SNX18: variants seen among roughly 807,000 people sequenced by gnomAD.
SNX18 encodes the protein sorting nexin-18.
Under a neutral mutation model 48.7 loss-of-function variants are expected in SNX18, and 35 were observed. The observed-to-expected ratio is 0.72, with a 90% confidence interval of 0.55 to 0.95. The LOEUF (loss-of-function observed/expected upper bound fraction) is 0.95. Ranked by LOEUF, SNX18 falls within the 40% of genes least tolerant of loss-of-function variation. The pLI, the probability that SNX18 is intolerant of heterozygous loss-of-function variation, is 0.00. For synonymous variants in SNX18, 492 were observed against 384.7 expected, an observed-to-expected ratio of 1.28 and a Z score of -3.26; for missense variants, 824 against 871.0, an observed-to-expected ratio of 0.95 and a Z score of 0.68.
chr5:54,602,479 G>A, the SNX18 span, among the ~76,000 whole-genome samples: 3 of 152,160 alleles, frequency 2.0e-5, no homozygotes, highest in African/African-American at 7.2e-5. Flanking sequence ...AGGAACTGAC[G>A]GGACGTTAGC....
intron 1 of SNX18, among the ~76,000 whole-genome samples, chr5:54,535,580 G>A (rs1450511720): frequency 3.3e-5 from 5 of 152,126 alleles, no homozygotes. Flanking sequence ...CACTCAATCT[G>A]TGCCCACAAA....
the SNX18 span, among the ~76,000 whole-genome samples, chr5:54,556,084 T>C: frequency 6.6e-6 from 1 of 152,186 alleles, no homozygotes; most frequent in Non-Finnish European, 1.5e-5. Context: ...TCAACATCCA[T>C]AGTACTAACA....
intron 1 of SNX18, among the ~76,000 whole-genome samples, chr5:54,537,625 G>A (rs1481838435): frequency 3.3e-5 from 5 of 151,566 alleles, no homozygotes; most frequent in Admixed American, 6.6e-5. Flanking sequence ...TTTCATTTCC[G>A]TCTTCTGTTT....
chr5:54,571,281 T>C, the SNX18 span, among the ~76,000 whole-genome samples: 1 of 152,178 alleles, frequency 6.6e-6, no homozygotes, highest in African/African-American at 2.4e-5. Context: ...GGCGAGGCTG[T>C]CCACTCTGTA....
the SNX18 span, among the ~76,000 whole-genome samples, chr5:54,614,865 ACTGT>A: frequency 6.6e-6 from 1 of 152,208 alleles, no homozygotes; most frequent in Non-Finnish European, 1.5e-5. Context: ...TATTCCAGGT[ACTGT>A]CTTAAGCACT....
chr5:54,637,398 C>T, the SNX18 span, among the ~76,000 whole-genome samples: 3 of 152,046 alleles, frequency 2.0e-5, no homozygotes, highest in South Asian at 2.1e-4. Flanking sequence ...TATCCTTTGG[C>T]GTGAGAAAAG....
chr5:54,552,908 T>C, the SNX18 span, among the ~76,000 whole-genome samples: 1 of 151,838 alleles, frequency 6.6e-6, no homozygotes, highest in African/African-American at 2.4e-5. Flanking sequence ...TTAATTGAGG[T>C]GGTCAGAAAA....
chr5:54,630,312 G>A, the SNX18 span, among the ~76,000 whole-genome samples: 3 of 152,166 alleles, frequency 2.0e-5, no homozygotes, highest in Non-Finnish European at 1.5e-5. Context: ...AAATGGAGTA[G>A]ACTTGTGTAC....
the SNX18 span, among the ~76,000 whole-genome samples, chr5:54,640,520 G>C: frequency 6.6e-6 from 1 of 152,148 alleles, no homozygotes; most frequent in Non-Finnish European, 1.5e-5. Flanking sequence ...CACTGTGCCC[G>C]CCAGAGTAGG....
downstream of SNX18, chr5:54,546,728 G>A (rs1580113220): frequency 6.6e-6 from 1 of 152,182 alleles, no homozygotes; most frequent in Admixed American, 6.6e-5. Flanking sequence ...ATCAAACACT[G>A]TAGCTAATTT....
the SNX18 span, among the ~76,000 whole-genome samples, chr5:54,608,260 G>C: frequency 1.3e-5 from 2 of 152,098 alleles, no homozygotes; most frequent in African/African-American, 4.8e-5. Flanking sequence ...TTTCCCTAAC[G>C]GCTAATGGTA....
chr5:54,624,277 T>C, the SNX18 span, among the ~76,000 whole-genome samples: 40 of 152,352 alleles, frequency 2.6e-4, no homozygotes, highest in African/African-American at 9.6e-4. Context: ...ATTCTCCTGG[T>C]ATTCAAGTTC....
At chr5:54,527,304 A>G (rs1016983819) in intron 1 of SNX18, among the ~76,000 whole-genome samples, 2 of 149,730 alleles carry the variant, frequency 1.3e-5, no homozygotes, top group African/African-American at 2.4e-5. Context: ...TCCAGGTGAG[A>G]GATGCTGGTG....
intron 1 of SNX18, among the ~76,000 whole-genome samples, chr5:54,539,505 C>T (rs531153232): frequency 6.6e-6 from 1 of 152,338 alleles, no homozygotes; most frequent in South Asian, 2.1e-4. Context: ...GTAGCAGGCC[C>T]TCTGAGCATT....
At chr5:54,578,062 G>T in the SNX18 span, among the ~76,000 whole-genome samples, 1 of 152,168 alleles carries the variant, frequency 6.6e-6, no homozygotes, top group South Asian at 2.1e-4. Context: ...TCTTCAAGGT[G>T]GGGGGCTTGT....
chr5:54,533,512 G>A (rs1263059532), intron 1 of SNX18, among the ~76,000 whole-genome samples: 5 of 152,124 alleles, frequency 3.3e-5, no homozygotes, highest in Non-Finnish European at 5.9e-5. Context: ...CTTTGCGATC[G>A]CCATGGGTAG....
At position 54,543,074 on chromosome 5, in the gene SNX18, T is replaced by C; in HGVS notation, c.1622-105T>C. On this transcript the variant is annotated intron_variant, in intron 1 of 1. Coordinates refer to ENST00000381410, the MANE Select transcript of SNX18 (RefSeq NM_001102575.2). ...TAAATTTCAAAGGTATTGAAAATAG[T>C]TTGGGCAACTATTTATAATGCCCAA... 3 of 1,106,540 alleles carry C rather than the reference T, an allele frequency of 2.7e-6. No individual in the cohort carries two copies. The South Asian group carries it at 5.9e-5, about 22-fold the overall frequency. 68.5% of individuals were successfully genotyped at this position (1,106,540 alleles called of 1,614,324 possible).
rs1762554780 is a variant in SNX18 at position 54,545,133 on chromosome 5, C to T, written c.*1701C>T. The T allele has an allele frequency of 6.6e-6, 1 of 152,122 alleles. No individual in the cohort carries two copies. The highest frequency in any genetic ancestry group is 1.5e-5 in the Non-Finnish European group (1 of 68,008). The allele number at this position is 152,122 out of a possible 1,614,324, so 9.4% of individuals were successfully genotyped here. A position where few individuals can be genotyped will look rare whatever the true frequency, so the allele number is the denominator to read the frequency against. Reference sequence around the variant, plus strand: ...GGTCAAAATTTTGTACCTTAGGTTACTTAGAGCCAGATTTAACATCATGAA... The same window carrying T: ...GGTCAAAATTTTGTACCTTAGGTTATTTAGAGCCAGATTTAACATCATGAA... On this transcript the variant is annotated 3_prime_UTR_variant, in exon 2 of 2. Coordinates refer to ENST00000381410, the MANE Select transcript of SNX18 (RefSeq NM_001102575.2).
downstream of SNX18, among the ~76,000 whole-genome samples, chr5:54,550,790 G>A (rs1418272903): frequency 6.6e-6 from 1 of 152,012 alleles, no homozygotes; most frequent in Non-Finnish European, 1.5e-5. Context: ...TCACCATGTT[G>A]GCCAGGCTGG....
Sources: gnomAD v4.1 joint callset for allele counts (sites outside exome capture counted in the v4.1 genomes callset) on GRCh38, gnomAD v4.1.1 for gene constraint, MANE v1.5 for transcripts, NCBI Gene and HGNC (gene_info 2026-07-23, HGNC 2026-07-21) for gene names.